MTREX: variants seen among roughly 807,000 people sequenced by gnomAD.
The protein encoded by MTREX is Mtr4 exosome RNA helicase, also known as exosome RNA helicase MTR4.
MTREX carries 76 observed loss-of-function variants against 135.4 expected under a neutral mutation model. That is an observed-to-expected ratio of 0.56 (90% CI 0.47 to 0.68). MTREX has a LOEUF of 0.68. Ranked by LOEUF, MTREX falls within the 30% of genes least tolerant of loss-of-function variation. The pLI is 0.00. For missense variants in MTREX, 920 were observed against 1,262.1 expected (o/e 0.73, Z 4.11); for synonymous variants, 404 against 401.6 (o/e 1.01, Z -0.07).
intron 25 of MTREX, among the ~76,000 whole-genome samples, chr5:55,421,047 CA>C (rs201837651): frequency 6.0e-5 from 9 of 150,364 alleles, no homozygotes; most frequent in South Asian, 4.2e-4. Flanking sequence ...CTGGCAGGAC[CA>C]AAAAAAAAAT....
intron 1 of MTREX, among the ~76,000 whole-genome samples, chr5:55,320,050 A>G (rs1025698153): frequency 1.3e-5 from 2 of 152,322 alleles, no homozygotes; most frequent in Non-Finnish European, 2.9e-5. Context: ...AGAGGTTCAC[A>G]TAAGTAGTCA....
chr5:55,361,997 A>G (rs1375173703), intron 15 of MTREX, among the ~76,000 whole-genome samples: 1 of 149,210 alleles, frequency 6.7e-6, no homozygotes, highest in African/African-American at 2.5e-5. Flanking sequence ...GCTCACTGCA[A>G]CCTTGACCTC....
intron 15 of MTREX, among the ~76,000 whole-genome samples, chr5:55,361,435 C>T (rs1750006266): frequency 6.6e-6 from 1 of 152,166 alleles, no homozygotes; most frequent in Non-Finnish European, 1.5e-5. Context: ...CATTCATACA[C>T]ACACACATAT....
At chr5:55,322,802 T>C (rs1200262354) in intron 2 of MTREX, among the ~76,000 whole-genome samples, 1 of 152,168 alleles carries the variant, frequency 6.6e-6, no homozygotes, top group East Asian at 1.9e-4. Context: ...TAAAGCTAAC[T>C]CAGTGGAAGG....
chr5:55,358,294 A>C (rs1044546225), intron 14 of MTREX, among the ~76,000 whole-genome samples: 20 of 152,222 alleles, frequency 1.3e-4, no homozygotes, highest in African/African-American at 2.4e-5. Flanking sequence ...TTTAGGCTTT[A>C]AATTTAGATT....
Position 55,324,165 on chromosome 5 carries a change from A to G in MTREX, c.306A>G (p.Gln102=), listed in dbSNP as rs145427630. The G allele has an allele frequency of 1.0e-4, 168 of 1,611,554 alleles. No individual in the cohort carries two copies. The African/African-American group carries it at 1.9e-3, about 18-fold the overall frequency. The change falls in exon 3 of 27, where the codon CAA becomes CAG. Residue 102 remains glutamine (Q), a synonymous_variant. Transcript: ENST00000230640. ...LADLMPRVKV[Q]SVETVEGCTH... ...ACCTGATGCCCAGAGTCAAGGTACA[A>G]TCAGTTGAAACTGTTGAAGGGTGTA...
chr5:55,335,799 A>G (rs1749544890), intron 5 of MTREX, among the ~76,000 whole-genome samples: 1 of 152,130 alleles, frequency 6.6e-6, no homozygotes, highest in African/African-American at 2.4e-5. Context: ...CAGAAAGCCC[A>G]TTTTAATTTT....
At chr5:55,342,025 T>C (rs1749657566) in intron 7 of MTREX, among the ~76,000 whole-genome samples, 3 of 152,076 alleles carry the variant, frequency 2.0e-5, no homozygotes, top group Admixed American at 6.5e-5. Context: ...TCCATCTCAG[T>C]CCCCCAAGTA....
chr5:55,325,486 C>T (rs1012428590), intron 3 of MTREX, among the ~76,000 whole-genome samples: 6 of 151,596 alleles, frequency 4.0e-5, no homozygotes, highest in African/African-American at 1.5e-4. Flanking sequence ...TGCGTGCCAC[C>T]ACGCTTGGCT....
At chr5:55,313,130 G>A (rs4865934) in intron 1 of MTREX, among the ~76,000 whole-genome samples, 5,206 of 151,898 alleles carry the variant, frequency 0.034, 252 homozygotes, top group Admixed American at 0.13. Context: ...ATCATTTCTC[G>A]GTTTTGTTGA....
intron 1 of MTREX, among the ~76,000 whole-genome samples, chr5:55,311,733 C>T (rs754159737): frequency 3.9e-5 from 6 of 152,002 alleles, no homozygotes; most frequent in African/African-American, 1.2e-4. Flanking sequence ...GAATTGGAAA[C>T]GTTAATATGA....
rs1192427819 is a variant in MTREX at position 55,347,109 on chromosome 5, A to G, written c.1205A>G (p.Tyr402Cys). Residue 402 changes from tyrosine (Y) to cysteine (C), a missense_variant, in exon 11 of 27, where the codon TAT (tyrosine) becomes TGT (cysteine). Transcript: ENST00000230640. ...FSFSKKDCEA[Y>C]ALQMTKLDFN... is the part of the protein sequence containing the mutation. The stretch of plus-strand genomic sequence containing the variant: ...TTTAGTAAGAAAGATTGTGAAGCCT[A>G]TGCACTTCAAATGACCAAATTAGAT... The G allele has an allele frequency of 9.3e-6, 15 of 1,607,002 alleles. No individual in the cohort carries two copies. Among genetic ancestry groups the G allele is most frequent in the East Asian group, 2.2e-5 (1 of 44,578 alleles).
intron 8 of MTREX, 31 bp from the exon 9 acceptor site, chr5:55,344,487 TAAAA>T: frequency 7.2e-7 from 1 of 1,391,794 alleles, no homozygotes; most frequent in Non-Finnish European, 1.0e-6. Flanking sequence ...TTTGAGGAAA[TAAAA>T]TTTTGTATGT....
In MTREX at chr5:55,345,152, A is replaced by G; in HGVS notation, c.1064A>G (p.Asp355Gly). 1 of 1,613,694 alleles carries G rather than the reference A, an allele frequency of 6.2e-7. No individual in the cohort carries two copies. Among genetic ancestry groups the G allele is most frequent in the Non-Finnish European group, 8.5e-7 (1 of 1,179,782 alleles). Residue 355 changes from aspartate (D) to glycine (G), a missense_variant, in exon 10 of 27, where the codon GAT becomes GGT. By Grantham distance (94) the Asp-to-Gly change is moderately conservative. Transcript: ENST00000230640. ...TAMQVLRDAG[D>G]LAKGDQKGRK... Reference sequence around the variant, plus strand: ...ATGCAAGTGCTTCGAGATGCAGGTGATTTGGCCAAAGGAGACCAGAAAGGG... The same window carrying G: ...ATGCAAGTGCTTCGAGATGCAGGTGGTTTGGCCAAAGGAGACCAGAAAGGG...
chr5:55,334,267 A>T (rs1031127891), intron 5 of MTREX, among the ~76,000 whole-genome samples: 4 of 152,106 alleles, frequency 2.6e-5, no homozygotes, highest in African/African-American at 9.7e-5. Flanking sequence ...GCCTAACGTT[A>T]TGAATGTACT....
chr5:55,423,134 G>C (rs902020347), intron 26 of MTREX, 152 bp downstream of exon 26: 2 of 614,314 alleles, frequency 3.3e-6, no homozygotes, highest in Non-Finnish European at 5.7e-6. Context: ...AAAATTTAGT[G>C]TGTTGGGGGA....
intron 21 of MTREX, among the ~76,000 whole-genome samples, chr5:55,402,850 G>GTA (rs1356412987): frequency 1.7e-4 from 8 of 47,322 alleles, no homozygotes; most frequent in Admixed American, 1.2e-3. Context: ...GTATGTGTAT[G>GTA]TATGTGTGTG....
intron 16 of MTREX, 149 bp downstream of exon 16, chr5:55,367,024 A>G: frequency 1.8e-6 from 1 of 544,598 alleles, no homozygotes; most frequent in South Asian, 4.6e-5. Context: ...TGGTCATTGT[A>G]ACTGAATAGA....
chr5:55,315,832 C>T (rs1428153004), intron 1 of MTREX, among the ~76,000 whole-genome samples: 2 of 150,720 alleles, frequency 1.3e-5, no homozygotes, highest in Non-Finnish European at 2.9e-5. Context: ...CTGGGGCCAC[C>T]CTGGATGATA....
Sources: gnomAD v4.1 joint callset for allele counts (sites outside exome capture counted in the v4.1 genomes callset) on GRCh38, gnomAD v4.1.1 for gene constraint, MANE v1.5 for transcripts, NCBI Gene and HGNC (gene_info 2026-07-23, HGNC 2026-07-21) for gene names.